NCOA1: variants seen among roughly 807,000 people sequenced by gnomAD.
NCOA1 encodes the protein Hin-2 protein.
NCOA1 carries 35 observed loss-of-function variants against 150.9 expected under a neutral mutation model. The observed-to-expected ratio is 0.23, with a 90% CI of 0.18 to 0.31. NCOA1 has a LOEUF of 0.31. Among genes scored for constraint, NCOA1 ranks in the 10% least tolerant of loss-of-function variants. The probability of loss-of-function intolerance (pLI) is 1.00; values close to 1 mark genes in which losing one functional copy is unlikely to be tolerated. For synonymous variants in NCOA1, 590 were observed against 630.0 expected (o/e 0.94, Z 0.95); for missense variants, 1,491 against 1,749.3 (o/e 0.85, Z 2.63).
intron 14 of NCOA1, among the ~76,000 whole-genome samples, chr2:24,715,422 T>A (rs1314806508): frequency 6.6e-6 from 1 of 152,138 alleles, no homozygotes; most frequent in Non-Finnish European, 1.5e-5. Context: ...AGTATAATAT[T>A]TGAGGCTAGA....
At chr2:24,635,436 A>G in intron 3 of NCOA1, among the ~76,000 whole-genome samples, 1 of 152,138 alleles carries the variant, frequency 6.6e-6, no homozygotes, top group South Asian at 2.1e-4. Flanking sequence ...ATCTGGCTTC[A>G]GTTACTGCTT....
At chr2:24,548,815 A>G (rs1349006587) in intron 1 of NCOA1, among the ~76,000 whole-genome samples, 2 of 152,158 alleles carry the variant, frequency 1.3e-5, no homozygotes, top group Non-Finnish European at 2.9e-5. Context: ...TGGGTTCCCA[A>G]GGTTTTGGGC....
rs74629066 is a variant in NCOA1, at chr2:24,506,893, A to G, written c.-396+15291A>G. On this transcript the variant is annotated intron_variant, in intron 1 of 22. Coordinates refer to ENST00000348332, the MANE Select transcript of NCOA1 (RefSeq NM_003743.5). ...GTTGATTGCATTGTTTTAGACTGGGATAGAATTGCTTTTACAGAATTGTTC... is the reference window on the plus strand; with the variant it reads ...GTTGATTGCATTGTTTTAGACTGGGGTAGAATTGCTTTTACAGAATTGTTC... Among the ~76,000 whole-genome samples the G allele has an allele frequency of 5.9e-5, 9 of 152,342 alleles. No individual in the cohort carries two copies. In the East Asian group the frequency reaches 1.3e-3, roughly 23 times the overall value.
chr2:24,702,995 T>G (rs1337312630), intron 11 of NCOA1, among the ~76,000 whole-genome samples: 1 of 152,346 alleles, frequency 6.6e-6, no homozygotes. Context: ...ACTATGTGTG[T>G]GACTCAGAAC....
At chr2:24,543,636 C>CCT (rs989449579) in intron 1 of NCOA1, among the ~76,000 whole-genome samples, 6 of 151,838 alleles carry the variant, frequency 4.0e-5, no homozygotes, top group African/African-American at 1.5e-4. Flanking sequence ...CCTAGATGAA[C>CCT]AGGGAAGGCA....
At chr2:24,595,086 A>G (rs1667833966) in intron 3 of NCOA1, among the ~76,000 whole-genome samples, 1 of 152,038 alleles carries the variant, frequency 6.6e-6, no homozygotes, top group African/African-American at 2.4e-5. Context: ...TTTGATTGTC[A>G]CTTATCTGGA....
At chr2:24,675,929 C>G (rs1671888306) in intron 7 of NCOA1, among the ~76,000 whole-genome samples, 1 of 151,974 alleles carries the variant, frequency 6.6e-6, no homozygotes, top group African/African-American at 2.4e-5. Context: ...ACAAGAGACC[C>G]AAATGATTAC....
At chr2:24,678,523 T>G (rs1305177751) in intron 7 of NCOA1, among the ~76,000 whole-genome samples, 1 of 152,222 alleles carries the variant, frequency 6.6e-6, no homozygotes, top group East Asian at 1.9e-4. Flanking sequence ...AAAGCATTCC[T>G]TTTTCTCTGC....
intron 3 of NCOA1, among the ~76,000 whole-genome samples, chr2:24,640,979 C>T (rs1352728105): frequency 6.6e-6 from 1 of 151,856 alleles, no homozygotes; most frequent in Non-Finnish European, 1.5e-5. Flanking sequence ...GCTCCTTGTT[C>T]TTCTTTTCCT....
At chr2:24,750,930 G>C (rs1052745739) in intron 19 of NCOA1, among the ~76,000 whole-genome samples, 7 of 148,592 alleles carry the variant, frequency 4.7e-5, no homozygotes, top group African/African-American at 1.5e-4. Flanking sequence ...GGGAAGGAGG[G>C]GGGGAAGAGT....
At chr2:24,664,724 A>G (rs916442955) in intron 5 of NCOA1, among the ~76,000 whole-genome samples, 2 of 152,034 alleles carry the variant, frequency 1.3e-5, no homozygotes, top group African/African-American at 4.8e-5. Flanking sequence ...AAAGAAAAAG[A>G]AAAGAAAAGT....
At chr2:24,647,812 A>G (rs1016571968) in intron 4 of NCOA1, among the ~76,000 whole-genome samples, 2 of 152,202 alleles carry the variant, frequency 1.3e-5, no homozygotes, top group Admixed American at 1.3e-4. Context: ...AAGCATGCTT[A>G]TACCACTGAA....
intron 6 of NCOA1, among the ~76,000 whole-genome samples, chr2:24,667,105 A>G (rs1283033093): frequency 5.3e-5 from 8 of 152,212 alleles, no homozygotes; most frequent in Non-Finnish European, 1.0e-4. Flanking sequence ...ACTTCAGATT[A>G]TTAGCATTAA....
intron 2 of NCOA1, among the ~76,000 whole-genome samples, chr2:24,566,139 C>T (rs971386831): frequency 3.9e-5 from 6 of 152,258 alleles, no homozygotes; most frequent in East Asian, 1.9e-4. Context: ...ATAAGGTACA[C>T]GGGTAAATGG....
At chr2:24,747,806 A>T (rs1664011853) in intron 19 of NCOA1, among the ~76,000 whole-genome samples, 1 of 142,318 alleles carries the variant, frequency 7.0e-6, no homozygotes, top group Non-Finnish European at 1.6e-5. Context: ...CTAGAGTCAT[A>T]AATGAAAAAA....
intron 14 of NCOA1, among the ~76,000 whole-genome samples, chr2:24,720,947 A>G (rs1674331026): frequency 6.6e-6 from 1 of 152,180 alleles, no homozygotes; most frequent in Admixed American, 6.5e-5. Flanking sequence ...ACGTACAAAT[A>G]TCTTGCATAG....
intron 1 of NCOA1, among the ~76,000 whole-genome samples, chr2:24,541,652 T>C (rs574350713): frequency 6.6e-5 from 10 of 152,272 alleles, no homozygotes; most frequent in Admixed American, 6.5e-4. Flanking sequence ...GAAAAAGATT[T>C]TTTGACATAA....
chr2:24,607,189 G>GTT (rs397976699), intron 3 of NCOA1, among the ~76,000 whole-genome samples: 2,085 of 139,430 alleles, frequency 0.015, 28 homozygotes, highest in African/African-American at 0.043. Flanking sequence ...GGGGTACTGT[G>GTT]TTTTTTTTTT....
chr2:24,648,230 T>C (rs1670560804), intron 4 of NCOA1, among the ~76,000 whole-genome samples: 1 of 152,118 alleles, frequency 6.6e-6, no homozygotes, highest in Non-Finnish European at 1.5e-5. Context: ...CTTTACAAAA[T>C]GCATATCTTT....
Sources: allele counts gnomAD v4.1 joint callset (sites outside exome capture counted in the v4.1 genomes callset), GRCh38; gene constraint gnomAD v4.1.1; transcripts MANE v1.5; gene names NCBI Gene and HGNC (gene_info 2026-07-23, HGNC 2026-07-21).